The following FBXO21 variants were observed in gnomAD, a reference collection of about 807,000 sequenced individuals.
FBXO21 encodes the protein F-box protein 21, also known as F-box only protein 21.
FBXO21 carries 32 observed loss-of-function variants against 76.6 expected under a neutral mutation model. That is an observed-to-expected ratio of 0.42 (90% CI 0.32 to 0.56). The LOEUF (loss-of-function observed/expected upper bound fraction) is 0.56, where lower values mean the gene tolerates loss of function less well. Ranked by LOEUF, FBXO21 falls within the 20% of genes least tolerant of loss-of-function variation. FBXO21 has a pLI of 0.16. For missense variants in FBXO21, 586 were observed against 797.3 expected, an observed-to-expected ratio of 0.73 and a Z score of 3.19; for synonymous variants, 328 against 311.5, an observed-to-expected ratio of 1.05 and a Z score of -0.56.
intron 9 of FBXO21, among the ~76,000 whole-genome samples, chr12:117,161,858 C>A (rs559065276): frequency 2.4e-4 from 37 of 152,310 alleles, no homozygotes; most frequent in African/African-American, 8.4e-4. Flanking sequence ...GACCACAGAG[C>A]AAAAGTAACC....
At chr12:117,151,037 G>T (rs921632731) in intron 11 of FBXO21, among the ~76,000 whole-genome samples, 2 of 151,400 alleles carry the variant, frequency 1.3e-5, no homozygotes. Context: ...GGAAAGTTGA[G>T]TTTGGAAGCA....
chr12:117,184,198 TC>T (rs74861781), intron 3 of FBXO21, among the ~76,000 whole-genome samples: 30,213 of 151,650 alleles, frequency 0.2, 3,414 homozygotes, highest in East Asian at 0.43. Context: ...GCAAAACAAC[TC>T]CCCCCTGCTC....
chr12:117,182,752 A>G (rs1173888588), intron 3 of FBXO21, among the ~76,000 whole-genome samples: 1 of 151,574 alleles, frequency 6.6e-6, no homozygotes, highest in African/African-American at 2.4e-5. Context: ...TAGTAGAGGC[A>G]GGGTTTTACC....
rs1956157388 is a variant in FBXO21 at position 117,174,800 on chromosome 12, G to GA, written c.593-4dup. On this transcript the variant is annotated splice_region_variant and splice_polypyrimidine_tract_variant and intron_variant, in intron 4 of 11. Transcript: ENST00000622495. The stretch of plus-strand genomic sequence containing the variant: ...GTACTGGTCAATATATACAGCACCT[G>GA]AAAATGAACAAGAATTACCGAATAA... 3.1e-6 allele frequency: 5 copies of GA among 1,608,318 alleles called. No homozygotes were observed. The highest frequency in any genetic ancestry group is 3.4e-6 in the Non-Finnish European group (4 of 1,177,478).
At chr12:117,168,036 G>T (rs1956075474) in intron 7 of FBXO21, among the ~76,000 whole-genome samples, 1 of 152,204 alleles carries the variant, frequency 6.6e-6, no homozygotes, top group Non-Finnish European at 1.5e-5. Flanking sequence ...GAACTGCCAG[G>T]CCCATTCTCT....
chr12:117,177,609 T>G lies in FBXO21; in HGVS notation c.503A>C (p.Lys168Thr), dbSNP rs1378752511. 1 of 1,613,882 alleles carries G rather than the reference T, an allele frequency of 6.2e-7. No individual in the cohort carries two copies. The highest frequency in any genetic ancestry group is 1.3e-5 in the African/African-American group (1 of 74,942). ...KALTWKYYAK[K>T]ILYYLRQQKI... is the part of the protein sequence containing the mutation. ...CTGTTGCCGCAGGTAGTAAAGAATTTTTTTTGCGTAGTATTTCCAGGTCAA... is the reference window on the plus strand; with the variant it reads ...CTGTTGCCGCAGGTAGTAAAGAATTGTTTTTGCGTAGTATTTCCAGGTCAA... Residue 168 changes from lysine to threonine, a missense_variant, in exon 4 of 12, where the codon AAA becomes ACA. By Grantham distance (78) the Lys-to-Thr change is moderately conservative (BLOSUM62 -1). Coordinates refer to ENST00000622495, the MANE Select transcript of FBXO21 (RefSeq NM_015002.3).
chr12:117,168,844 G>A (rs1290728511), intron 7 of FBXO21, among the ~76,000 whole-genome samples: 3 of 152,216 alleles, frequency 2.0e-5, no homozygotes, highest in Non-Finnish European at 4.4e-5. Flanking sequence ...GGAGATTGTG[G>A]AGAAAAAGGA....
chr12:117,177,757 C>G, intron 3 of FBXO21, 116 bp from the exon 4 acceptor site: 1 of 741,576 alleles, frequency 1.3e-6, no homozygotes, highest in East Asian at 2.8e-5. Context: ...TTGGTTCATT[C>G]TCTTATAATA....
intron 9 of FBXO21, among the ~76,000 whole-genome samples, chr12:117,159,728 C>T (rs535243924): frequency 6.6e-5 from 10 of 152,264 alleles, no homozygotes; most frequent in East Asian, 1.9e-4. Context: ...ACCAACAAGC[C>T]GCTTTTTCTG....
chr12:117,152,536 A>G (rs955177), intron 11 of FBXO21, among the ~76,000 whole-genome samples: 3,308 of 99,002 alleles, frequency 0.033, 53 homozygotes, highest in Non-Finnish European at 0.053. Context: ...AAAAGGGGGG[A>G]AAAAAAATGA....
intron 3 of FBXO21, among the ~76,000 whole-genome samples, chr12:117,180,047 C>G (rs1008564038): frequency 1.2e-4 from 18 of 152,198 alleles, no homozygotes; most frequent in Non-Finnish European, 2.4e-4. Flanking sequence ...CTCTAACTGT[C>G]ACATCTTTGG....
rs1955937412 is a variant in FBXO21 at position 117,158,083 on chromosome 12, G to C, written c.1327-20C>G. The C allele has an allele frequency of 1.2e-6, 2 of 1,613,538 alleles. No homozygotes were observed. Among genetic ancestry groups the C allele is most frequent in the Admixed American group, 1.7e-5 (1 of 59,874 alleles). On this transcript the variant is annotated intron_variant, in intron 9 of 11. Coordinates refer to ENST00000622495, the MANE Select transcript of FBXO21 (RefSeq NM_015002.3). ...AAGCACCTTCAAAACAAGACAGAAA[G>C]ACTAAAAGATAATATTTTCAGCTAG...
intron 7 of FBXO21, among the ~76,000 whole-genome samples, chr12:117,172,255 G>T (rs1956125173): frequency 6.6e-6 from 1 of 152,078 alleles, no homozygotes; most frequent in African/African-American, 2.4e-5. Flanking sequence ...CCTTTTCCCA[G>T]TCTCCCCTGA....
intron 4 of FBXO21, 104 bp downstream of exon 4, chr12:117,177,416 T>C: frequency 8.0e-7 from 1 of 1,249,850 alleles, no homozygotes; most frequent in Non-Finnish European, 1.1e-6. Flanking sequence ...GATTTGCTTT[T>C]TCACTTCTTT....
rs1325589519 is a variant in FBXO21, at chr12:117,190,459, T to C, written c.-3A>G. The C allele has an allele frequency of 2.3e-6, 3 of 1,303,300 alleles. No homozygotes were observed. The highest frequency in any genetic ancestry group is 3.0e-5 in the East Asian group (1 of 33,842). 80.7% of individuals were successfully genotyped at this position (1,303,300 alleles called of 1,614,324 possible). A position where few individuals can be genotyped will look rare whatever the true frequency, so the allele number is the denominator to read the frequency against. On this transcript the variant is annotated 5_prime_UTR_variant, in exon 1 of 12. Coordinates refer to ENST00000622495, the MANE Select transcript of FBXO21 (RefSeq NM_015002.3). Reference sequence around the variant, plus strand: ...CTGTCGACTGCTGCCGCCGCCATCTTGTCCGCGTACCTGGGGCCGCCGCGC... The same window carrying C: ...CTGTCGACTGCTGCCGCCGCCATCTCGTCCGCGTACCTGGGGCCGCCGCGC...
chr12:117,180,889 T>C (rs2135881972), intron 3 of FBXO21, among the ~76,000 whole-genome samples: 1 of 152,240 alleles, frequency 6.6e-6, no homozygotes, highest in Middle Eastern at 3.4e-3. Context: ...TACCTCAGCC[T>C]CCCAAAGTGC....
At position 117,177,570 on chromosome 12, in the gene FBXO21, T is replaced by C; in HGVS notation, c.542A>G (p.Asn181Ser). 1 of 1,613,894 alleles carries C rather than the reference T, an allele frequency of 6.2e-7. No homozygotes were observed. The highest frequency in any genetic ancestry group is 8.5e-7 in the Non-Finnish European group (1 of 1,179,836). ...TGGCTGCTGAAGAAAGGCCTTAAGA[T>C]TATTTAAGATCTTCTGTTGCCGCAG... is the stretch of plus-strand genomic sequence containing the variant. Reference protein sequence around the residue: ...YYLRQQKILNNLKAFLQQPDD... With the variant: ...YYLRQQKILNSLKAFLQQPDD... Residue 181 changes from asparagine to serine, a missense_variant, in exon 4 of 12, where the codon AAT becomes AGT. Around this residue, in one of 6 missense-constraint regions of FBXO21, gnomAD observed 246 missense variants for 356.8 expected, o/e 0.69. Coordinates refer to ENST00000622495, the MANE Select transcript of FBXO21 (RefSeq NM_015002.3).
chr12:117,151,718 G>A (rs1565995236), intron 11 of FBXO21, among the ~76,000 whole-genome samples: 1 of 152,104 alleles, frequency 6.6e-6, no homozygotes, highest in Non-Finnish European at 1.5e-5. Context: ...AGGAATCTAT[G>A]GCAGAGACAA....
chr12:117,171,574 T>G (rs1477274494), intron 7 of FBXO21, among the ~76,000 whole-genome samples: 1 of 152,086 alleles, frequency 6.6e-6, no homozygotes, highest in Admixed American at 6.6e-5. Context: ...CTGGGTGAGC[T>G]CATTTAATCT....
Sources: gnomAD v4.1 joint callset for allele counts (sites outside exome capture counted in the v4.1 genomes callset) on GRCh38, gnomAD v4.1.1 for gene constraint, gnomAD v4.1.1 regional missense constraint, MANE v1.5 for transcripts, NCBI Gene and HGNC (gene_info 2026-07-23, HGNC 2026-07-21) for gene names.